Variants in GREB1L observed in about 807,000 individuals in gnomAD.
GREB1L encodes GREB1 like retinoic acid receptor coactivator, also known as GREB1-like protein.
Under a neutral mutation model 200.8 loss-of-function variants are expected in GREB1L, and 17 were observed. That is an observed-to-expected ratio of 0.08 (90% CI 0.06 to 0.13). The LOEUF (loss-of-function observed/expected upper bound fraction) is 0.13. Ranked by LOEUF, GREB1L falls within the 10% of genes least tolerant of loss-of-function variation. The pLI is 1.00. For synonymous variants in GREB1L, 789 were observed against 893.0 expected, an observed-to-expected ratio of 0.88 and a Z score of 2.08; for missense variants, 1,657 against 2,367.7, an observed-to-expected ratio of 0.70 and a Z score of 6.23.
intron 23 of GREB1L, among the ~76,000 whole-genome samples, chr18:21,501,066 CAAAAAAAA>C (rs11295281): frequency 1.1e-5 from 1 of 87,074 alleles, no homozygotes; most frequent in Admixed American, 1.1e-4. Flanking sequence ...GACTTTGTCT[CAAAAAAAA>C]AAAAAAAAAG....
intron 24 of GREB1L, 60 bp downstream of exon 24, chr18:21,505,627 G>C (rs1425816822): frequency 1.3e-6 from 2 of 1,512,234 alleles, no homozygotes; most frequent in African/African-American, 2.8e-5. Flanking sequence ...AGCTCAGGGT[G>C]CCTTACATCT....
At chr18:21,273,866 G>A (rs1277750844) in intron 1 of GREB1L, among the ~76,000 whole-genome samples, 4 of 152,032 alleles carry the variant, frequency 2.6e-5, no homozygotes, top group Non-Finnish European at 4.4e-5. Context: ...CCATGGTAAG[G>A]CCACTGGATC....
At chr18:21,340,336 C>T (rs537679650) in intron 1 of GREB1L, among the ~76,000 whole-genome samples, 51 of 151,832 alleles carry the variant, frequency 3.4e-4, no homozygotes, top group African/African-American at 1.1e-3. Flanking sequence ...AGGGGAATGG[C>T]GTGAACCCTG....
At chr18:21,291,128 A>G (rs1246486001) in intron 1 of GREB1L, among the ~76,000 whole-genome samples, 1 of 152,176 alleles carries the variant, frequency 6.6e-6, no homozygotes, top group Non-Finnish European at 1.5e-5. Flanking sequence ...ACACATCACA[A>G]TCTGGCCCTG....
At chr18:21,417,638 C>T (rs1338944040) in intron 7 of GREB1L, among the ~76,000 whole-genome samples, 1 of 152,068 alleles carries the variant, frequency 6.6e-6, no homozygotes, top group African/African-American at 2.4e-5. Context: ...TAAAGGAAGT[C>T]ATTCAGATAG....
At chr18:21,353,659 A>G (rs1033107835) in intron 1 of GREB1L, among the ~76,000 whole-genome samples, 1 of 152,226 alleles carries the variant, frequency 6.6e-6, no homozygotes, top group Non-Finnish European at 1.5e-5. Context: ...TATATCTGTA[A>G]TAAATACTTC....
At chr18:21,454,657 C>A in intron 15 of GREB1L, 94 bp downstream of exon 15, 1 of 928,434 alleles carries the variant, frequency 1.1e-6, no homozygotes, top group Non-Finnish European at 1.7e-6. Flanking sequence ...CTAGAGGATG[C>A]TTAAAACCTT....
intron 5 of GREB1L, among the ~76,000 whole-genome samples, chr18:21,399,421 A>ATGGATGGT (rs2041215679): frequency 6.8e-6 from 1 of 147,248 alleles, no homozygotes; most frequent in South Asian, 2.2e-4. Flanking sequence ...TATTTGTTGG[A>ATGGATGGT]TGGATGGTTG....
At chr18:21,363,860 G>T (rs1347445320) in intron 1 of GREB1L, 2 of 152,052 alleles carry the variant, frequency 1.3e-5, no homozygotes, top group African/African-American at 4.8e-5. Flanking sequence ...TCTGCATCAT[G>T]GTAAACAATT....
At chr18:21,470,187 C>A (rs1205082788) in intron 15 of GREB1L, among the ~76,000 whole-genome samples, 1 of 151,952 alleles carries the variant, frequency 6.6e-6, no homozygotes, top group Non-Finnish European at 1.5e-5. Context: ...ACTCAGGACG[C>A]TGAGGCAGGA....
At chr18:21,342,855 A>G (rs2039288827) in intron 1 of GREB1L, among the ~76,000 whole-genome samples, 1 of 152,214 alleles carries the variant, frequency 6.6e-6, no homozygotes, top group African/African-American at 2.4e-5. Flanking sequence ...ATGCAAAAAT[A>G]TAAATATTTT....
chr18:21,491,692 G>A (rs372664249), intron 19 of GREB1L, among the ~76,000 whole-genome samples: 4 of 147,242 alleles, frequency 2.7e-5, no homozygotes, highest in South Asian at 2.2e-4. Flanking sequence ...CAGCCTGGGC[G>A]ACAGAGCGAG....
At chr18:21,491,534 C>A (rs1347139155) in intron 19 of GREB1L, among the ~76,000 whole-genome samples, 1 of 151,806 alleles carries the variant, frequency 6.6e-6, no homozygotes, top group Non-Finnish European at 1.5e-5. Flanking sequence ...ATGGTGAAAC[C>A]CCGTTTTTAC....
At chr18:21,472,974 G>A (rs1352564347) in intron 15 of GREB1L, 57 bp from the exon 16 acceptor site, 33 of 941,258 alleles carry the variant, frequency 3.5e-5, no homozygotes, top group Non-Finnish European at 4.8e-5. Flanking sequence ...TCTATCTCCT[G>A]TGTGTGTGTG....
rs1187506481 is a variant in GREB1L at position 21,401,133 on chromosome 18, G to A, written c.533-17G>A. ...AACTTACAAGGCCATTAGTAACATTGGTTTTCCTGACTTCAGGGTTTTCTG... is the reference window on the plus strand; with the variant it reads ...AACTTACAAGGCCATTAGTAACATTAGTTTTCCTGACTTCAGGGTTTTCTG... On this transcript the variant is annotated splice_polypyrimidine_tract_variant and intron_variant, in intron 5 of 32. Transcript: ENST00000424526. The A allele has an allele frequency of 2.6e-6, 4 of 1,545,808 alleles. No individual in the cohort carries two copies. The Admixed American group carries it at 7.9e-5, about 30-fold the overall frequency.
chr18:21,409,166 A>G (rs2030653456), intron 7 of GREB1L, among the ~76,000 whole-genome samples: 2 of 152,244 alleles, frequency 1.3e-5, no homozygotes, highest in Admixed American at 6.5e-5. Context: ...AATGTGATGT[A>G]TCCATATAAT....
chr18:21,323,559 C>T (rs138046573), intron 1 of GREB1L, among the ~76,000 whole-genome samples: 2 of 152,114 alleles, frequency 1.3e-5, no homozygotes, highest in African/African-American at 4.8e-5. Context: ...CTGCAGTGAG[C>T]TACTACTGGT....
intron 31 of GREB1L, among the ~76,000 whole-genome samples, chr18:21,519,171 C>G (rs1359211576): frequency 1.3e-5 from 2 of 152,054 alleles, no homozygotes. Context: ...TAAAAACCAT[C>G]AGATATAAAG....
chr18:21,334,746 C>T (rs2039159384), intron 1 of GREB1L, among the ~76,000 whole-genome samples: 1 of 151,442 alleles, frequency 6.6e-6, no homozygotes, highest in Admixed American at 6.6e-5. Flanking sequence ...TGCACTCCAG[C>T]CTGGTGACAG....
Sources: gnomAD v4.1 joint callset for allele counts (sites outside exome capture counted in the v4.1 genomes callset) on GRCh38, gnomAD v4.1.1 for gene constraint, MANE v1.5 for transcripts, NCBI Gene and HGNC (gene_info 2026-07-23, HGNC 2026-07-21) for gene names.